DPP6: variants seen among roughly 807,000 people sequenced by gnomAD.
DPP6 encodes dipeptidyl peptidase like 6.
A neutral mutation model predicts 122.6 loss-of-function variants in DPP6; 69 were observed. That is an observed-to-expected ratio of 0.56 (90% CI 0.46 to 0.69). DPP6 has a LOEUF of 0.69. Among genes scored for constraint, DPP6 ranks in the 30% least tolerant of loss-of-function variants. DPP6 has a pLI of 0.00. For synonymous variants in DPP6, 418 were observed against 433.1 expected, an observed-to-expected ratio of 0.97 and a Z score of 0.43; for missense variants, 928 against 1,116.9, an observed-to-expected ratio of 0.83 and a Z score of 2.41.
intron 1 of DPP6, among the ~76,000 whole-genome samples, chr7:154,098,771 A>G (rs184523767): frequency 6.6e-6 from 1 of 152,148 alleles, no homozygotes; most frequent in Non-Finnish European, 1.5e-5. Flanking sequence ...AGCCTCCATG[A>G]TCGCTACTGC....
At chr7:154,331,418 T>A (rs12539210) in intron 1 of DPP6, among the ~76,000 whole-genome samples, 67,145 of 152,092 alleles carry the variant, frequency 0.44, 17,173 homozygotes, top group East Asian at 0.7. Context: ...GGATAACTGG[T>A]AGACCAGGAG....
At chr7:154,275,256 C>A (rs1007742581) in intron 1 of DPP6, among the ~76,000 whole-genome samples, 2 of 152,232 alleles carry the variant, frequency 1.3e-5, no homozygotes, top group African/African-American at 4.8e-5. Context: ...CTCCTAGAGT[C>A]CTCTGCAGGG....
chr7:154,255,055 A>AT (rs1442821880), intron 1 of DPP6, among the ~76,000 whole-genome samples: 3 of 152,172 alleles, frequency 2.0e-5, no homozygotes, highest in African/African-American at 7.2e-5. Context: ...TGGGCAAAAA[A>AT]ATAAAGATGT....
At chr7:154,613,619 C>CAAAAAAAAAAA (rs749561005) in intron 5 of DPP6, among the ~76,000 whole-genome samples, 6 of 51,828 alleles carry the variant, frequency 1.2e-4, no homozygotes, top group African/African-American at 4.6e-4. Flanking sequence ...GACTCTGTCT[C>CAAAAAAAAAAA]AAAAAAAAAA....
chr7:154,713,173 C>G (rs1445555053), intron 7 of DPP6, among the ~76,000 whole-genome samples: 4 of 152,268 alleles, frequency 2.6e-5, no homozygotes, highest in Non-Finnish European at 5.9e-5. Flanking sequence ...CATGCTGATG[C>G]AACAAGTGAG....
intron 1 of DPP6, among the ~76,000 whole-genome samples, chr7:154,204,844 A>T (rs939481544): frequency 2.0e-5 from 3 of 152,064 alleles, no homozygotes; most frequent in Non-Finnish European, 4.4e-5. Context: ...TATACCGTAT[A>T]TATGGATATA....
At chr7:154,550,393 G>C (rs1481545949) in intron 4 of DPP6, among the ~76,000 whole-genome samples, 1 of 152,052 alleles carries the variant, frequency 6.6e-6, no homozygotes, top group African/African-American at 2.4e-5. Flanking sequence ...GTTTTGGCTG[G>C]GCTTGTAGTT....
chr7:154,100,934 G>C (rs1473168204), intron 1 of DPP6, among the ~76,000 whole-genome samples: 1 of 143,490 alleles, frequency 7.0e-6, no homozygotes, highest in African/African-American at 2.5e-5. Context: ...GCCCTTCCTC[G>C]TCAAGACCCC....
the DPP6 span, among the ~76,000 whole-genome samples, chr7:153,781,977 T>TACAC: frequency 0.049 from 4,433 of 89,680 alleles, 1,010 homozygotes; most frequent in African/African-American, 0.11. Context: ...CCCCAGAGAA[T>TACAC]ACACACACAC....
At chr7:153,812,395 AATTCACTACAACC>A in the DPP6 span, among the ~76,000 whole-genome samples, 2 of 152,104 alleles carry the variant, frequency 1.3e-5, no homozygotes, top group Non-Finnish European at 2.9e-5. Context: ...TCACCCAGGC[AATTCACTACAACC>A]TTGAAACTCA....
At chr7:154,649,719 C>T (rs992072160) in intron 6 of DPP6, among the ~76,000 whole-genome samples, 1 of 152,230 alleles carries the variant, frequency 6.6e-6, no homozygotes, top group South Asian at 2.1e-4. Context: ...GGTGTCCGGC[C>T]TGCAGGAGCA....
At chr7:153,901,484 G>GT (rs911342189) in intron 1 of DPP6, among the ~76,000 whole-genome samples, 54 of 152,200 alleles carry the variant, frequency 3.5e-4, no homozygotes, top group Admixed American at 8.5e-4. Context: ...CTGCAGTTTG[G>GT]TTAGAAGAGG....
At chr7:154,194,759 G>C (rs146429887) in intron 1 of DPP6, among the ~76,000 whole-genome samples, 1 of 152,120 alleles carries the variant, frequency 6.6e-6, no homozygotes, top group East Asian at 1.9e-4. Context: ...GGACTTATTC[G>C]TCTCTCCTCT....
chr7:154,516,537 A>G (rs1826526563), intron 3 of DPP6, among the ~76,000 whole-genome samples: 1 of 152,194 alleles, frequency 6.6e-6, no homozygotes, highest in South Asian at 2.1e-4. Context: ...GATTCCTACG[A>G]AAGAGGAAAA....
At chr7:154,739,065 A>G (rs1363751969) in intron 8 of DPP6, among the ~76,000 whole-genome samples, 2 of 152,234 alleles carry the variant, frequency 1.3e-5, no homozygotes, top group South Asian at 2.1e-4. Flanking sequence ...CAGCCACACT[A>G]GTGGAAAGGG....
chr7:154,503,923 T>A (rs1349315021), intron 3 of DPP6, among the ~76,000 whole-genome samples: 1 of 152,222 alleles, frequency 6.6e-6, no homozygotes, highest in Non-Finnish European at 1.5e-5. Flanking sequence ...GTAACAAAGC[T>A]GCACATCCTG....
At chr7:154,735,064 C>G (rs1464115511) in intron 8 of DPP6, among the ~76,000 whole-genome samples, 2 of 152,160 alleles carry the variant, frequency 1.3e-5, no homozygotes, top group Admixed American at 1.3e-4. Flanking sequence ...ATTAATGATA[C>G]CTATCAGTGT....
rs564088727 is a variant in DPP6, at chr7:154,732,724, C to T, written c.883+4837C>T. ...GGATGAAATTCCAGGGCTGGATTTTCCTTAACTAGTCAAGAACATAAAAGT... is the reference window on the plus strand; with the variant it reads ...GGATGAAATTCCAGGGCTGGATTTTTCTTAACTAGTCAAGAACATAAAAGT... On this transcript the variant is annotated intron_variant, in intron 8 of 25. Transcript: ENST00000377770. 8.3e-4 allele frequency among the ~76,000 whole-genome samples: 126 copies of T among 152,270 alleles called. 2 individuals carry two copies. Among genetic ancestry groups the T allele is most frequent in the African/African-American group, 3.0e-3 (126 of 41,548 alleles).
chr7:154,408,231 T>G (rs921349743), intron 1 of DPP6, among the ~76,000 whole-genome samples: 17 of 152,166 alleles, frequency 1.1e-4, no homozygotes, highest in African/African-American at 4.8e-5. Context: ...TGGGACACAT[T>G]TATTTTCAAA....
Sources: allele counts gnomAD v4.1 joint callset (sites outside exome capture counted in the v4.1 genomes callset), GRCh38; gene constraint gnomAD v4.1.1; transcripts MANE v1.5; gene names NCBI Gene and HGNC (gene_info 2026-07-23, HGNC 2026-07-21).